Variants in SYNPO2 observed in about 807,000 individuals in gnomAD.
The protein encoded by SYNPO2 is synaptopodin-2.
A neutral mutation model predicts 85.0 loss-of-function variants in SYNPO2; 56 were observed. The ratio of observed to expected loss-of-function variants is 0.66; its 90% CI spans 0.53 to 0.82. The LOEUF (loss-of-function observed/expected upper bound fraction) is 0.82. Ranked by LOEUF, SYNPO2 falls within the 40% of genes least tolerant of loss-of-function variation. SYNPO2 has a pLI of 0.00. For synonymous variants in SYNPO2, 602 were observed against 591.1 expected, an observed-to-expected ratio of 1.02 and a Z score of -0.27; for missense variants, 1,575 against 1,534.2, an observed-to-expected ratio of 1.03 and a Z score of -0.44.
chr4:119,017,706 A>G (rs77417834), intron 1 of SYNPO2, among the ~76,000 whole-genome samples: 20,228 of 152,154 alleles, frequency 0.13, 1,714 homozygotes, highest in Middle Eastern at 0.22. Flanking sequence ...TTTTTCATTG[A>G]TTTCAATAGA....
rs541387881 is a variant in SYNPO2, at chr4:118,879,019, A to C, written c.12+28079A>C. Among the ~76,000 whole-genome samples, 16 of 152,266 alleles carry C rather than the reference A, an allele frequency of 1.1e-4. No homozygotes were observed. The East Asian group carries it at 2.7e-3, about 26-fold the overall frequency. ...CTGAAGTCAGCGAGACCATGAACCC[A>C]CAGGGAGGAATGAACAACTCCGGAG... On this transcript the variant is annotated intron_variant, in intron 1 of 4. Coordinates refer to the SYNPO2 transcript ENST00000610556.
chr4:118,976,221 T>A lies in SYNPO2; in HGVS notation c.106-47209T>A, dbSNP rs187554701. Among the ~76,000 whole-genome samples the A allele has an allele frequency of 3.8e-3, 575 of 152,062 alleles. 2 individuals carry two copies. Among genetic ancestry groups the A allele is most frequent in the African/African-American group, 0.013 (545 of 41,492 alleles). On this transcript the variant is annotated intron_variant, in intron 1 of 4. Coordinates refer to ENST00000307142, the MANE Select transcript of SYNPO2 (RefSeq NM_133477.3). ...TGTGTTCGGAGTTTTTTCCTTCTGG[T>A]GGGTTCGTGGTCTCGCTGGCTCAGG...
At chr4:118,991,370 A>C (rs1485820215) in intron 1 of SYNPO2, among the ~76,000 whole-genome samples, 2 of 146,812 alleles carry the variant, frequency 1.4e-5, no homozygotes, top group Admixed American at 1.4e-4. Flanking sequence ...CTGGTCTTGA[A>C]CTCCTGACCT....
At chr4:118,857,651 A>G (rs978491393) in intron 1 of SYNPO2, among the ~76,000 whole-genome samples, 1 of 152,378 alleles carries the variant, frequency 6.6e-6, no homozygotes, top group South Asian at 2.1e-4. Context: ...TTAACATAAC[A>G]TGAAAATTAG....
chr4:118,905,523 T>C (rs544659168), intron 1 of SYNPO2, among the ~76,000 whole-genome samples: 1 of 152,268 alleles, frequency 6.6e-6, no homozygotes, highest in Admixed American at 6.5e-5. Flanking sequence ...TTGATTTTCA[T>C]GGAACTGTAA....
At chr4:118,985,343 C>T (rs994526397) in intron 1 of SYNPO2, among the ~76,000 whole-genome samples, 4 of 152,194 alleles carry the variant, frequency 2.6e-5, no homozygotes, top group African/African-American at 4.8e-5. Context: ...CATGATTTGC[C>T]GTCTGTCTCT....
At position 119,041,829 on chromosome 4, in the gene SYNPO2, T is replaced by C. The variant is rs78353986; in HGVS notation, c.3252+9802T>C. ...GTGTAAAATTAAGATTTCCCCACCT[T>C]AGAGATAGCCCCACCTTAGAGATTC... On this transcript the variant is annotated intron_variant, in intron 4 of 4. Coordinates refer to ENST00000307142, the MANE Select transcript of SYNPO2 (RefSeq NM_133477.3). Among the ~76,000 whole-genome samples the C allele has an allele frequency of 2.1e-3, 314 of 152,262 alleles. 2 individuals are homozygous for C. The highest frequency in any genetic ancestry group is 0.01 in the Middle Eastern group (3 of 294).
At chr4:119,000,737 A>G (rs949113560) in intron 1 of SYNPO2, among the ~76,000 whole-genome samples, 4 of 152,224 alleles carry the variant, frequency 2.6e-5, no homozygotes, top group African/African-American at 9.6e-5. Flanking sequence ...TGGACAGGAG[A>G]GAGAAGAAGC....
chr4:119,032,126 A>G (rs926913282), intron 4 of SYNPO2, 99 bp downstream of exon 4: 100 of 1,524,690 alleles, frequency 6.6e-5, no homozygotes, highest in Middle Eastern at 1.7e-4. Flanking sequence ...TGAGTCCCTG[A>G]GAATGCCTAG....
At chr4:118,930,706 G>A (rs1413612018) in intron 1 of SYNPO2, among the ~76,000 whole-genome samples, 4 of 149,008 alleles carry the variant, frequency 2.7e-5, no homozygotes, top group African/African-American at 5.0e-5. Context: ...CTTGAGCCCA[G>A]GAGTTCAAGA....
At chr4:118,877,544 G>T (rs554775639) in intron 1 of SYNPO2, among the ~76,000 whole-genome samples, 1 of 152,324 alleles carries the variant, frequency 6.6e-6, no homozygotes, top group Non-Finnish European at 1.5e-5. Context: ...AGTGGGCAGA[G>T]GACGTGAACA....
At chr4:118,916,568 G>T (rs1011494194) in intron 1 of SYNPO2, among the ~76,000 whole-genome samples, 11 of 151,764 alleles carry the variant, frequency 7.2e-5, no homozygotes, top group African/African-American at 2.4e-4. Flanking sequence ...CTTACTATTA[G>T]ATCTTGAGTT....
At chr4:118,908,364 C>CA (rs1327036890) in intron 1 of SYNPO2, among the ~76,000 whole-genome samples, 1 of 152,036 alleles carries the variant, frequency 6.6e-6, no homozygotes, top group Non-Finnish European at 1.5e-5. Flanking sequence ...AAGTATATGT[C>CA]AATGTCAAAT....
chr4:118,952,336 T>C (rs1734729567), intron 1 of SYNPO2, among the ~76,000 whole-genome samples: 2 of 152,198 alleles, frequency 1.3e-5, no homozygotes, highest in Non-Finnish European at 2.9e-5. Flanking sequence ...AAATCACTTC[T>C]TTTTTATTTT....
chr4:118,959,334 A>G (rs1734989932), intron 1 of SYNPO2, among the ~76,000 whole-genome samples: 1 of 152,224 alleles, frequency 6.6e-6, no homozygotes, highest in Admixed American at 6.5e-5. Flanking sequence ...TAGGTTTCAA[A>G]TGTTCGCCCT....
At chr4:118,934,871 T>G (rs975251488) in intron 1 of SYNPO2, among the ~76,000 whole-genome samples, 1 of 152,202 alleles carries the variant, frequency 6.6e-6, no homozygotes, top group African/African-American at 2.4e-5. Context: ...CTGTCTTATA[T>G]TGAACATAAA....
At chr4:118,976,623 G>A (rs573049278) in intron 1 of SYNPO2, among the ~76,000 whole-genome samples, 2 of 150,632 alleles carry the variant, frequency 1.3e-5, no homozygotes, top group African/African-American at 4.9e-5. Context: ...GGTTCTCCAC[G>A]TCCCCATCAG....
At chr4:119,012,862 G>A (rs1279035854) in intron 1 of SYNPO2, among the ~76,000 whole-genome samples, 1 of 152,028 alleles carries the variant, frequency 6.6e-6, no homozygotes, top group East Asian at 1.9e-4. Flanking sequence ...TTCTTAAAAG[G>A]CAGCATTTTC....
intron 1 of SYNPO2, among the ~76,000 whole-genome samples, chr4:118,959,705 T>G (rs1578586149): frequency 9.8e-6 from 1 of 102,012 alleles, no homozygotes; most frequent in African/African-American, 2.9e-5. Flanking sequence ...TCCTCATTCA[T>G]TCCTCCTCTA....
Sources: gnomAD v4.1 joint callset for allele counts (sites outside exome capture counted in the v4.1 genomes callset) on GRCh38, gnomAD v4.1.1 for gene constraint, MANE v1.5 for transcripts, NCBI Gene and HGNC (gene_info 2026-07-23, HGNC 2026-07-21) for gene names.